Variants in ZNF672 observed in about 807,000 individuals in gnomAD.
ZNF672 encodes the protein zinc finger protein 672, also known as hypothetical protein FLJ22301.
For missense variants in ZNF672, 733 were observed against 701.1 expected, an observed-to-expected ratio of 1.05 and a Z score of -0.51; for synonymous variants, 358 against 305.6, an observed-to-expected ratio of 1.17 and a Z score of -1.79.
At chr1:248,842,484 A>C (rs1664694170) in intron 1 of ZNF672, among the ~76,000 whole-genome samples, 1 of 152,124 alleles carries the variant, frequency 6.6e-6, no homozygotes, top group Non-Finnish European at 1.5e-5. Flanking sequence ...TGGCCACAGC[A>C]CCCGAGATCA....
chr1:248,847,612 C>G lies in ZNF672; in HGVS notation c.338C>G (p.Ala113Gly). ...TCGRRFPHLP[A>G]LLLHRRRQHL... ...GGCCGGCGCTTCCCGCACCTCCCGGCGCTGCTGCTACACCGGCGCCGCCAG... is the reference window on the plus strand; with the variant it reads ...GGCCGGCGCTTCCCGCACCTCCCGGGGCTGCTGCTACACCGGCGCCGCCAG... The change falls in exon 4 of 4, where the codon GCG becomes GGG. Residue 113 changes from alanine to glycine, a missense_variant. Ala to Gly is a moderately conservative substitution (Grantham distance 60, BLOSUM62 0). Transcript: ENST00000306562. 1 of 1,532,460 alleles carries G rather than the reference C, an allele frequency of 6.5e-7. No individual in the cohort carries two copies. Among genetic ancestry groups the G allele is most frequent in the Non-Finnish European group, 8.7e-7 (1 of 1,143,394 alleles). 94.9% of individuals were successfully genotyped at this position (1,532,460 alleles called of 1,614,324 possible). A position where few individuals can be genotyped will look rare whatever the true frequency, so the allele number is the denominator to read the frequency against.
intron 1 of ZNF672, among the ~76,000 whole-genome samples, chr1:248,840,389 G>A (rs964670414): frequency 6.6e-6 from 1 of 152,208 alleles, no homozygotes; most frequent in African/African-American, 2.4e-5. Flanking sequence ...ACCGTGCCTG[G>A]CCAACTTTCT....
At chr1:248,844,936 A>G (rs1664733014) in intron 2 of ZNF672, among the ~76,000 whole-genome samples, 1 of 152,230 alleles carries the variant, frequency 6.6e-6, no homozygotes, top group Non-Finnish European at 1.5e-5. Flanking sequence ...GTCTGGGTCG[A>G]AAGTCCCTCT....
intron 1 of ZNF672, among the ~76,000 whole-genome samples, chr1:248,843,866 C>G (rs1206049469): frequency 2.0e-5 from 3 of 152,196 alleles, no homozygotes; most frequent in Non-Finnish European, 4.4e-5. Context: ...TCAGTCACCA[C>G]ATGTGGCTCT....
chr1:248,847,975 A>G lies in ZNF672; in HGVS notation c.701A>G (p.Lys234Arg). 6.4e-7 allele frequency: 1 copy of G among 1,561,638 alleles called. No individual in the cohort carries two copies. Residue 234 changes from lysine to arginine, a missense_variant, in exon 4 of 4, where the codon AAG becomes AGG. Physicochemically the swap from Lys to Arg is conservative, Grantham distance 26. Coordinates refer to ENST00000306562, the MANE Select transcript of ZNF672 (RefSeq NM_024836.3). Reference sequence around the variant, plus strand: ...CCCTTCAAGTGCCCGGAGTGCGGCAAGGGCTTCCTGGAGAGCGCCACGCTG... The same window carrying G: ...CCCTTCAAGTGCCCGGAGTGCGGCAGGGGCTTCCTGGAGAGCGCCACGCTG... ...EKPFKCPECG[K>R]GFLESATLVR...
intron 1 of ZNF672, chr1:248,842,647 G>C (rs1461923820): frequency 6.6e-6 from 1 of 152,180 alleles, no homozygotes; most frequent in African/African-American, 2.4e-5. Flanking sequence ...CCTCCTGAAG[G>C]CCAGGGAAAC....
intron 1 of ZNF672, among the ~76,000 whole-genome samples, chr1:248,843,186 G>A (rs916366070): frequency 6.6e-6 from 1 of 152,172 alleles, no homozygotes; most frequent in Non-Finnish European, 1.5e-5. Context: ...GGACGAGCCT[G>A]TATAGGAAGC....
rs1659226680 is a variant in ZNF672, at chr1:248,848,158, G to C, written c.884G>C (p.Arg295Pro). ...ACTTGCGGCAAGGGTTTCGGGCAGC[G>C]CTCCGACCTGGTGGTGCACCAGCGC... ...CATCGKGFGQRSDLVVHQRIH... is the reference protein window; with the variant it reads ...CATCGKGFGQPSDLVVHQRIH... The change falls in exon 4 of 4, where the codon CGC (arginine) becomes CCC (proline). Residue 295 changes from arginine to proline, a missense_variant. Physicochemically the swap from Arg to Pro is moderately radical, Grantham distance 103 (BLOSUM62 -2). Transcript: ENST00000306562. 1 of 1,590,214 alleles carries C rather than the reference G, an allele frequency of 6.3e-7. No individual in the cohort carries two copies. Among genetic ancestry groups the C allele is most frequent in the East Asian group, 2.3e-5 (1 of 43,892 alleles).
At chr1:248,841,557 G>A (rs544842559) in intron 1 of ZNF672, among the ~76,000 whole-genome samples, 62 of 152,246 alleles carry the variant, frequency 4.1e-4, no homozygotes, top group African/African-American at 1.4e-3. Context: ...TTCTCTCCTT[G>A]TCTACATCCA....
rs200208741 is a variant in ZNF672 at position 248,848,683 on chromosome 1, A to G, written c.*50A>G. ...TCTAAAGGTGGTTGGGCAAGCACCTATATAGTATCACGGGGACAGTTGAGG... is the reference window on the plus strand; with the variant it reads ...TCTAAAGGTGGTTGGGCAAGCACCTGTATAGTATCACGGGGACAGTTGAGG... On this transcript the variant is annotated 3_prime_UTR_variant, in exon 4 of 4. Coordinates refer to ENST00000306562, the MANE Select transcript of ZNF672 (RefSeq NM_024836.3). 1.2e-4 allele frequency: 189 copies of G among 1,521,418 alleles called. 2 individuals are homozygous for G. The Admixed American group carries it at 1.4e-3, about 11-fold the overall frequency. The allele number at this position is 1,521,418 out of a possible 1,614,324, so 94.2% of individuals were successfully genotyped here. A position where few individuals can be genotyped will look rare whatever the true frequency, so the allele number is the denominator to read the frequency against.
chr1:248,847,712 G>C lies in ZNF672; in HGVS notation c.438G>C (p.Gln146His). ...GGCAGAGCGCGCTGCTCTTCCACCA[G>C]GCGCGGGCGCACCCCTTGGGGACAA... ...TFRQSALLFH[Q>H]ARAHPLGTTS... The change falls in exon 4 of 4, where the codon CAG becomes CAC. Residue 146 changes from glutamine to histidine, a missense_variant. Physicochemically the swap from Gln to His is conservative, Grantham distance 24. Transcript: ENST00000306562. 6.9e-7 allele frequency: 1 copy of C among 1,454,994 alleles called. No individual in the cohort carries two copies. 90.1% of individuals were successfully genotyped at this position (1,454,994 alleles called of 1,614,324 possible). A position where few individuals can be genotyped will look rare whatever the true frequency, so the allele number is the denominator to read the frequency against.
intron 1 of ZNF672, among the ~76,000 whole-genome samples, chr1:248,841,742 C>T (rs1392536045): frequency 6.6e-6 from 1 of 152,158 alleles, no homozygotes; most frequent in Non-Finnish European, 1.5e-5. Context: ...GGCAACATGG[C>T]AAAACCCCGT....
At chr1:248,840,950 T>C (rs1004981029) in intron 1 of ZNF672, among the ~76,000 whole-genome samples, 23 of 149,132 alleles carry the variant, frequency 1.5e-4, no homozygotes, top group African/African-American at 5.5e-4. Context: ...TGGGTAGTGC[T>C]GTGGAGGGTA....
At position 248,847,450 on chromosome 1, in the gene ZNF672, C is replaced by A; in HGVS notation, c.176C>A (p.Ala59Glu). The change falls in exon 4 of 4, where the codon GCG (alanine) becomes GAG (glutamate). Residue 59 changes from alanine (A) to glutamate (E), a missense_variant. Transcript: ENST00000306562. ...TGTGCACGGGCTGCTGACCTCCGAG[C>A]GCACAGGCGCACGCATGCTGGCCAG... Reference protein sequence around the residue: ...ERCARAADLRAHRRTHAGQTL... With the variant: ...ERCARAADLREHRRTHAGQTL... 6.3e-7 allele frequency: 1 copy of A among 1,590,762 alleles called. No homozygotes were observed. The highest frequency in any genetic ancestry group is 8.6e-7 in the Non-Finnish European group (1 of 1,168,670).
At chr1:248,842,979 C>A (rs1002545474) in intron 1 of ZNF672, among the ~76,000 whole-genome samples, 7 of 152,158 alleles carry the variant, frequency 4.6e-5, no homozygotes, top group Non-Finnish European at 8.8e-5. Context: ...CATTTTACCC[C>A]CTTGTCCCCT....
chr1:248,847,462 C>G lies in ZNF672; in HGVS notation c.188C>G (p.Thr63Arg). ...GCTGACCTCCGAGCGCACAGGCGCA[C>G]GCATGCTGGCCAGACCCTCTACATC... is the stretch of plus-strand genomic sequence containing the variant. ...RAADLRAHRR[T>R]HAGQTLYICS... Residue 63 changes from threonine to arginine, a missense_variant, in exon 4 of 4, where the codon ACG becomes AGG. Physicochemically the swap from Thr to Arg is moderately conservative, Grantham distance 71 (BLOSUM62 -1). Transcript: ENST00000306562. The G allele has an allele frequency of 6.3e-7, 1 of 1,593,036 alleles. No individual in the cohort carries two copies. The highest frequency in any genetic ancestry group is 8.5e-7 in the Non-Finnish European group (1 of 1,169,982).
Position 248,847,934 on chromosome 1 carries a change from G to T in ZNF672, c.660G>T (p.Thr220=). The T allele has an allele frequency of 6.4e-7, 1 of 1,574,300 alleles. No homozygotes were observed. Among genetic ancestry groups the T allele is most frequent in the Non-Finnish European group, 8.6e-7 (1 of 1,161,210 alleles). ...KSSTLTRHLQ[T]HSGEKPFKCP... is the part of the protein sequence containing the mutation. Reference sequence around the variant, plus strand: ...CTACGCTGACGCGACACCTGCAGACGCACTCGGGGGAGAAACCCTTCAAGT... The same window carrying T: ...CTACGCTGACGCGACACCTGCAGACTCACTCGGGGGAGAAACCCTTCAAGT... Residue 220 remains threonine (T), a synonymous_variant, in exon 4 of 4, where the codon ACG becomes ACT. Transcript: ENST00000306562.
Position 248,849,516 on chromosome 1 carries a change from G to T in ZNF672, c.*883G>T, listed in dbSNP as rs1471420673. On this transcript the variant is annotated 3_prime_UTR_variant, in exon 4 of 4. Transcript: ENST00000306562. Reference sequence around the variant, plus strand: ...GTGAAATAAAGTTGTTTGAGTACTAGATGCCAAGTGCCGCCTTTATCAAAC... The same window carrying T: ...GTGAAATAAAGTTGTTTGAGTACTATATGCCAAGTGCCGCCTTTATCAAAC... 2 of 256,600 alleles carry T rather than the reference G, an allele frequency of 7.8e-6. No homozygotes were observed. Among genetic ancestry groups the T allele is most frequent in the Non-Finnish European group, 8.2e-6 (1 of 122,642 alleles). The allele number at this position is 256,600 out of a possible 1,614,324, so 15.9% of individuals were successfully genotyped here. A position where few individuals can be genotyped will look rare whatever the true frequency, so the allele number is the denominator to read the frequency against.
chr1:248,840,663 T>A (rs1227361388), intron 1 of ZNF672, among the ~76,000 whole-genome samples: 1 of 151,982 alleles, frequency 6.6e-6, no homozygotes, highest in African/African-American at 2.4e-5. Context: ...AGTACTTGTA[T>A]ATGCAGTGGG....
Sources: gnomAD v4.1 joint callset for allele counts (sites outside exome capture counted in the v4.1 genomes callset) on GRCh38, gnomAD v4.1.1 for gene constraint, MANE v1.5 for transcripts, NCBI Gene and HGNC (gene_info 2026-07-23, HGNC 2026-07-21) for gene names.